DACH2: variants seen among roughly 807,000 people sequenced by gnomAD.
The protein encoded by DACH2 is dachshund family transcription factor 2, also known as dachshund homolog 2.
Under a neutral mutation model 35.8 loss-of-function variants are expected in DACH2, and 17 were observed. The ratio of observed to expected loss-of-function variants is 0.48; its 90% CI spans 0.33 to 0.71. The LOEUF is 0.71. Ranked by LOEUF, DACH2 falls within the 30% of genes least tolerant of loss-of-function variation. DACH2 has a pLI of 0.02. For synonymous variants in DACH2, 195 were observed against 177.3 expected (o/e 1.10, Z -0.79); for missense variants, 469 against 472.7 (o/e 0.99, Z 0.07).
At chrX:86,576,969 C>G (rs1156582808) in intron 3 of DACH2, among the ~76,000 whole-genome samples, 1 of 111,878 alleles carries the variant, frequency 8.9e-6, no homozygotes, top group Non-Finnish European at 1.9e-5. Flanking sequence ...CAACATGCTT[C>G]TTGTATAGCC....
intron 3 of DACH2, among the ~76,000 whole-genome samples, chrX:86,588,029 A>G (rs1602674142): frequency 9.0e-6 from 1 of 111,343 alleles, no homozygotes; most frequent in Admixed American, 9.6e-5. Context: ...TTAATTCATC[A>G]TGAGTTAGGT....
rs538947992 is a variant in DACH2 at position 86,355,653 on chromosome X, A to G, written c.489-21171A>G. Among the ~76,000 whole-genome samples, 18 of 111,705 alleles carry G rather than the reference A, an allele frequency of 1.6e-4. No homozygotes were observed. The South Asian group carries it at 3.8e-3, about 23-fold the overall frequency. ...CAAGCAATCCTCCTACATCAGCCCTAAAGTAGCTGGGACTACAGGTGCGGG... is the reference window on the plus strand; with the variant it reads ...CAAGCAATCCTCCTACATCAGCCCTGAAGTAGCTGGGACTACAGGTGCGGG... On this transcript the variant is annotated intron_variant, in intron 1 of 11. Transcript: ENST00000373125.
chrX:86,374,824 T>A (rs2035939395), intron 1 of DACH2, among the ~76,000 whole-genome samples: 1 of 110,548 alleles, frequency 9.0e-6, no homozygotes, highest in African/African-American at 3.3e-5. Context: ...CAGCTGATTT[T>A]TTTTCACATT....
chrX:86,512,332 G>A (rs2038408112), intron 2 of DACH2, among the ~76,000 whole-genome samples: 1 of 110,439 alleles, frequency 9.1e-6, no homozygotes, highest in African/African-American at 3.3e-5. Flanking sequence ...CACCTTTAAG[G>A]TAGAACTACT....
At chrX:86,506,609 C>T (rs1216313680) in intron 2 of DACH2, among the ~76,000 whole-genome samples, 1 of 110,430 alleles carries the variant, frequency 9.1e-6, no homozygotes, top group Non-Finnish European at 1.9e-5. Flanking sequence ...TGCGCAGGCT[C>T]GTCTCAAACT....
intron 5 of DACH2, among the ~76,000 whole-genome samples, chrX:86,705,063 A>ATATCTTACATATATATATATATATATATC (rs1556379592): frequency 9.6e-5 from 10 of 104,649 alleles, no homozygotes; most frequent in African/African-American, 3.6e-4. Flanking sequence ...ATATATATAT[A>ATATCTTACATATATATATATATATATATC]TATCTCACAT....
intron 1 of DACH2, among the ~76,000 whole-genome samples, chrX:86,283,871 T>TACACACACACACACAC (rs111448832): frequency 1.6e-4 from 16 of 102,171 alleles, no homozygotes; most frequent in African/African-American, 5.4e-4. Flanking sequence ...TTAAAGTATA[T>TACACACACACACACAC]ACACACACAC....
At chrX:86,640,660 A>G (rs1314453489) in intron 3 of DACH2, among the ~76,000 whole-genome samples, 1 of 110,952 alleles carries the variant, frequency 9.0e-6, no homozygotes. Flanking sequence ...GTGCCAAGTC[A>G]TGAACTACAG....
intron 3 of DACH2, among the ~76,000 whole-genome samples, chrX:86,571,685 C>G (rs2039371660): frequency 1.1e-5 from 1 of 94,960 alleles, no homozygotes; most frequent in Non-Finnish European, 2.1e-5. Flanking sequence ...GCTTGTAAGT[C>G]TTGAAATCGG....
intron 1 of DACH2, among the ~76,000 whole-genome samples, chrX:86,151,351 G>A (rs987577452): frequency 8.9e-6 from 1 of 111,973 alleles, no homozygotes; most frequent in African/African-American, 3.2e-5. Context: ...GATCTGTGAT[G>A]TGATTCATGT....
chrX:86,545,106 T>C (rs1285549411), intron 3 of DACH2, among the ~76,000 whole-genome samples: 2 of 112,148 alleles, frequency 1.8e-5, no homozygotes, highest in Non-Finnish European at 3.8e-5. Flanking sequence ...TGCATGAGTA[T>C]TTTCATTGCA....
chrX:86,236,474 A>T (rs1270820737), intron 1 of DACH2, among the ~76,000 whole-genome samples: 1 of 112,294 alleles, frequency 8.9e-6, no homozygotes, highest in African/African-American at 3.2e-5. Context: ...AGAAATGCAT[A>T]ATTCGGCAAT....
intron 1 of DACH2, among the ~76,000 whole-genome samples, chrX:86,357,835 T>C (rs2035667916): frequency 8.9e-6 from 1 of 112,482 alleles, no homozygotes; most frequent in Non-Finnish European, 1.9e-5. Flanking sequence ...TTCCATGTTT[T>C]ATTTGGCATA....
intron 1 of DACH2, among the ~76,000 whole-genome samples, chrX:86,305,301 C>T (rs1367161997): frequency 8.9e-6 from 1 of 111,778 alleles, no homozygotes; most frequent in Non-Finnish European, 1.9e-5. Flanking sequence ...CAGATGTGTA[C>T]TGTTGACAAC....
intron 3 of DACH2, among the ~76,000 whole-genome samples, chrX:86,641,735 A>G (rs767878770): frequency 8.9e-6 from 1 of 112,285 alleles, no homozygotes; most frequent in African/African-American, 3.2e-5. Flanking sequence ...AGGGATTCCC[A>G]TCAGGCTAAC....
At chrX:86,149,753 G>A (rs2030296764) in intron 1 of DACH2, among the ~76,000 whole-genome samples, 1 of 112,586 alleles carries the variant, frequency 8.9e-6, no homozygotes, top group Admixed American at 9.4e-5. Flanking sequence ...CCCAGTACAC[G>A]ATACAGGAAA....
At chrX:86,294,216 C>A (rs755966585) in intron 1 of DACH2, among the ~76,000 whole-genome samples, 3 of 111,759 alleles carry the variant, frequency 2.7e-5, no homozygotes, top group Non-Finnish European at 5.6e-5. Context: ...TTGATTGCAT[C>A]GGCTCCTGAG....
intron 2 of DACH2, among the ~76,000 whole-genome samples, chrX:86,505,031 G>T (rs1189566399): frequency 8.9e-6 from 1 of 112,030 alleles, no homozygotes; most frequent in African/African-American, 3.2e-5. Context: ...CCTTAATCCT[G>T]CCTTAGAAGT....
chrX:86,373,467 A>T (rs1364420930), intron 1 of DACH2, among the ~76,000 whole-genome samples: 6 of 111,334 alleles, frequency 5.4e-5, no homozygotes, highest in Non-Finnish European at 1.1e-4. Context: ...GATAAAACAG[A>T]TATGACAGTC....
Sources: gnomAD v4.1 joint callset for allele counts (sites outside exome capture counted in the v4.1 genomes callset) on GRCh38, gnomAD v4.1.1 for gene constraint, MANE v1.5 for transcripts, NCBI Gene and HGNC (gene_info 2026-07-23, HGNC 2026-07-21) for gene names.